The following BACH2 variants were observed in gnomAD, a reference collection of about 807,000 sequenced individuals.
The protein encoded by BACH2 is transcription regulator protein BACH2.
A neutral mutation model predicts 61.8 loss-of-function variants in BACH2; 5 were observed. That is an observed-to-expected ratio of 0.08 (90% CI 0.04 to 0.17). The LOEUF is 0.17. Ranked by LOEUF, BACH2 falls within the 10% of genes least tolerant of loss-of-function variation. The pLI is 1.00. For synonymous variants in BACH2, 446 were observed against 440.1 expected, an observed-to-expected ratio of 1.01 and a Z score of -0.17; for missense variants, 824 against 1,091.1, an observed-to-expected ratio of 0.76 and a Z score of 3.45.
At chr6:90,135,061 G>A (rs1446906846) in intron 4 of BACH2, among the ~76,000 whole-genome samples, 1 of 152,174 alleles carries the variant, frequency 6.6e-6, no homozygotes, top group African/African-American at 2.4e-5. Context: ...CCCCAATGGA[G>A]TGATGACCGT....
Position 89,951,230 on chromosome 6 carries a change from G to A in BACH2, c.876C>T (p.Cys292=), listed in dbSNP as rs1774086933. Residue 292 remains cysteine (C), a synonymous_variant, in exon 7 of 9, where the codon TGC becomes TGT. Coordinates refer to ENST00000257749, the MANE Select transcript of BACH2 (RefSeq NM_021813.4). The surrounding 1 kb of genome is among the most constrained non-coding windows in gnomAD (Gnocchi z 6.4). ...TGGCGTCAGGCTCATCTCCAGACAGGCAGAGCGTGATGCTCTCTTCCTCAT... is the reference window on the plus strand; with the variant it reads ...TGGCGTCAGGCTCATCTCCAGACAGACAGAGCGTGATGCTCTCTTCCTCAT... The part of the protein sequence containing the change: ...EENEEESITL[C]LSGDEPDAKD... The A allele has an allele frequency of 3.7e-6, 6 of 1,613,938 alleles. No homozygotes were observed. The highest frequency in any genetic ancestry group is 3.3e-5 in the South Asian group (3 of 91,088).
At chr6:90,141,407 C>G (rs1394771022) in intron 4 of BACH2, among the ~76,000 whole-genome samples, 1 of 151,942 alleles carries the variant, frequency 6.6e-6, no homozygotes, top group African/African-American at 2.4e-5. Flanking sequence ...TCACGAACTC[C>G]TGACCTCAAG....
intron 2 of BACH2, among the ~76,000 whole-genome samples, chr6:90,254,349 A>T (rs1209595310): frequency 6.6e-6 from 1 of 152,020 alleles, no homozygotes; most frequent in African/African-American, 2.4e-5. Flanking sequence ...AATATTAAAT[A>T]AACATTTTTA....
chr6:90,253,276 T>C (rs972742838), intron 2 of BACH2, among the ~76,000 whole-genome samples: 2 of 151,984 alleles, frequency 1.3e-5, no homozygotes, highest in African/African-American at 2.4e-5. Context: ...CTATAATTTG[T>C]CCACTACCTT....
chr6:90,004,754 G>T (rs996030385), intron 6 of BACH2, among the ~76,000 whole-genome samples: 13 of 152,198 alleles, frequency 8.5e-5, no homozygotes, highest in Non-Finnish European at 1.8e-4. Context: ...ATGAGCAGTG[G>T]AAGAACGGCC....
chr6:89,936,991 T>G, intron 8 of BACH2, among the ~76,000 whole-genome samples: 1 of 151,632 alleles, frequency 6.6e-6, no homozygotes, highest in African/African-American at 2.4e-5. Flanking sequence ...GGAGGTTGAG[T>G]TGGTTGTCTT....
rs1252986749 is a variant in BACH2 at position 90,296,548 on chromosome 6, C to G, written c.-514G>C. The G allele has an allele frequency of 1.3e-5, 2 of 151,760 alleles. No individual in the cohort carries two copies. Among genetic ancestry groups the G allele is most frequent in the East Asian group, 3.8e-4 (2 of 5,206 alleles). The allele number at this position is 151,760 out of a possible 1,614,324, so 9.4% of individuals were successfully genotyped here. On this transcript the variant is annotated 5_prime_UTR_variant, in exon 1 of 9. Coordinates refer to ENST00000257749, the MANE Select transcript of BACH2 (RefSeq NM_021813.4). ...CGTCTTCCCGGCTCGCAGCCCCCTC[C>G]CGGCAGCCGGCGAGGTGGGCAGTTC...
At chr6:90,268,957 G>T (rs1771432020) in intron 2 of BACH2, among the ~76,000 whole-genome samples, 1 of 152,140 alleles carries the variant, frequency 6.6e-6, no homozygotes, top group Non-Finnish European at 1.5e-5. Context: ...CAGGAAAAAT[G>T]AACTCTAGTT....
At chr6:89,983,302 C>T (rs927770431) in intron 6 of BACH2, among the ~76,000 whole-genome samples, 2 of 152,198 alleles carry the variant, frequency 1.3e-5, no homozygotes, top group African/African-American at 2.4e-5. Flanking sequence ...TGTGAAAAGG[C>T]AGGCATGACA....
chr6:90,061,209 T>C (rs1039611201), intron 5 of BACH2, among the ~76,000 whole-genome samples: 3 of 152,020 alleles, frequency 2.0e-5, no homozygotes, highest in East Asian at 1.9e-4. Context: ...AGGTGAGAAA[T>C]TGAAGCAACA....
rs74848449 is a variant in BACH2, at chr6:89,957,783, G to A, written c.244-5921C>T. Among the ~76,000 whole-genome samples, 298 of 152,206 alleles carry A rather than the reference G, an allele frequency of 2.0e-3. 2 individuals are homozygous for A. The East Asian group carries it at 0.023, about 12-fold the overall frequency. ...TCAAACTCCTGGACTCAAGCAATCC[G>A]TCTATTTTGACCTCCCAAAGTATTG... On this transcript the variant is annotated intron_variant, in intron 6 of 8. Transcript: ENST00000257749.
At chr6:90,237,404 C>G (rs1582518680) in intron 3 of BACH2, among the ~76,000 whole-genome samples, 2 of 152,218 alleles carry the variant, frequency 1.3e-5, no homozygotes, top group East Asian at 3.8e-4. Context: ...TCCAGGTTGT[C>G]AGACCCAGTG....
At chr6:89,962,513 C>G (rs1385353564) in intron 6 of BACH2, among the ~76,000 whole-genome samples, 1 of 152,122 alleles carries the variant, frequency 6.6e-6, no homozygotes, top group African/African-American at 2.4e-5. Context: ...TCTTGAACGC[C>G]TTATTTGTGG....
chr6:90,119,566 A>G (rs1245509962), intron 4 of BACH2, among the ~76,000 whole-genome samples: 3 of 152,226 alleles, frequency 2.0e-5, no homozygotes, highest in African/African-American at 7.2e-5. Context: ...GAACAGCTGC[A>G]GAAACAAACT....
chr6:90,228,546 C>A (rs947143786), intron 3 of BACH2, among the ~76,000 whole-genome samples: 14 of 152,288 alleles, frequency 9.2e-5, no homozygotes, highest in African/African-American at 3.4e-4. Flanking sequence ...GAGTTCAAGA[C>A]CAGCCTGGGC....
intron 2 of BACH2, among the ~76,000 whole-genome samples, chr6:90,266,580 A>C (rs146226583): frequency 2.8e-4 from 42 of 152,296 alleles, no homozygotes; most frequent in Non-Finnish European, 5.3e-4. Context: ...CACAATAAGG[A>C]ATGAAGTACT....
chr6:90,022,648 G>A (rs1778439679), intron 5 of BACH2, among the ~76,000 whole-genome samples: 1 of 152,214 alleles, frequency 6.6e-6, no homozygotes. Context: ...TACGGAAACT[G>A]AGGTGGAAGA....
chr6:89,993,641 C>T (rs775342423), intron 6 of BACH2, among the ~76,000 whole-genome samples: 12 of 152,100 alleles, frequency 7.9e-5, no homozygotes, highest in Middle Eastern at 3.2e-3. Context: ...TTGTCTTCTT[C>T]TACATCTTAG....
chr6:90,244,063 A>G (rs1770549155), intron 3 of BACH2, among the ~76,000 whole-genome samples: 2 of 152,148 alleles, frequency 1.3e-5, no homozygotes, highest in African/African-American at 4.8e-5. Context: ...CTGGGATAAC[A>G]GGCATGTGCC....
Sources: gnomAD v4.1 joint callset for allele counts (sites outside exome capture counted in the v4.1 genomes callset) on GRCh38, gnomAD v4.1.1 for gene constraint, Gnocchi (gnomAD v3.1) non-coding constraint, MANE v1.5 for transcripts, NCBI Gene and HGNC (gene_info 2026-07-23, HGNC 2026-07-21) for gene names.